The following SPAG9 variants were observed in gnomAD, a reference collection of about 807,000 sequenced individuals.
SPAG9 encodes the protein C-Jun-amino-terminal kinase-interacting protein 4.
Under a neutral mutation model 166.5 loss-of-function variants are expected in SPAG9, and 35 were observed. The ratio of observed to expected loss-of-function variants is 0.21; its 90% CI spans 0.16 to 0.28. The LOEUF (loss-of-function observed/expected upper bound fraction) is 0.28. Among genes scored for constraint, SPAG9 ranks in the 10% least tolerant of loss-of-function variants. SPAG9 has a pLI of 1.00. For missense variants in SPAG9, 1,235 were observed against 1,603.3 expected, an observed-to-expected ratio of 0.77 and a Z score of 3.92; for synonymous variants, 534 against 565.5, an observed-to-expected ratio of 0.94 and a Z score of 0.79.
chr17:51,107,922 A>G (rs1378879219), intron 1 of SPAG9, among the ~76,000 whole-genome samples: 2 of 151,840 alleles, frequency 1.3e-5, no homozygotes, highest in Non-Finnish European at 2.9e-5. Flanking sequence ...CTCAAAAAAA[A>G]AAAGGGAGGG....
At chr17:51,039,672 G>A (rs1367937530) in intron 5 of SPAG9, among the ~76,000 whole-genome samples, 1 of 152,080 alleles carries the variant, frequency 6.6e-6, no homozygotes, top group Admixed American at 6.6e-5. Context: ...TTTGTTAATC[G>A]GTTTATAAGT....
chr17:50,995,733 C>T, intron 16 of SPAG9, 200 bp from the exon 17 acceptor site: 2 of 532,790 alleles, frequency 3.8e-6, no homozygotes, highest in Non-Finnish European at 6.6e-6. Flanking sequence ...TTGATCATGG[C>T]TCACTGCAGC....
chr17:50,987,262 G>T (rs1384212069), intron 21 of SPAG9, 25 bp from the exon 22 acceptor site: 6 of 1,595,006 alleles, frequency 3.8e-6, no homozygotes, highest in Admixed American at 1.8e-5. Flanking sequence ...CAAAAGGAAA[G>T]AAATCTGAGT....
chr17:51,082,000 A>G (rs2144649760), intron 1 of SPAG9, among the ~76,000 whole-genome samples: 1 of 152,238 alleles, frequency 6.6e-6, no homozygotes, highest in East Asian at 1.9e-4. Context: ...ATATCCAAAC[A>G]GCTTGCTCTC....
rs114939146 is a variant in SPAG9, at chr17:50,966,047, G to T, written c.*225C>A. On this transcript the variant is annotated 3_prime_UTR_variant, in exon 30 of 30. Transcript: ENST00000262013. ...GCAGGAAGTAAACATTCTTTGATTTGTTCATAATATACTGAAGTTACCTAT... is the reference window on the plus strand; with the variant it reads ...GCAGGAAGTAAACATTCTTTGATTTTTTCATAATATACTGAAGTTACCTAT... The T allele has an allele frequency of 2.3e-3, 1,099 of 481,984 alleles. 6 individuals are homozygous for T. Among genetic ancestry groups the T allele is most frequent in the African/African-American group, 0.019 (970 of 51,496 alleles). The allele number at this position is 481,984 out of a possible 1,614,324, so 29.9% of individuals were successfully genotyped here. A position where few individuals can be genotyped will look rare whatever the true frequency, so the allele number is the denominator to read the frequency against.
At position 50,977,099 on chromosome 17, in the gene SPAG9, T is replaced by TA. The variant is rs1190803036; in HGVS notation, c.3523+8dup. 1 of 1,530,394 alleles carries TA rather than the reference T, an allele frequency of 6.5e-7. No homozygotes were observed. The highest frequency in any genetic ancestry group is 1.4e-5 in the African/African-American group (1 of 73,116). 94.8% of individuals were successfully genotyped at this position (1,530,394 alleles called of 1,614,324 possible). On this transcript the variant is annotated intron_variant, in intron 27 of 29. Coordinates refer to ENST00000262013, the MANE Select transcript of SPAG9 (RefSeq NM_001130528.3). ...TTGTTCCATGGCAGTTATCTAAAAATATACTTACTTTCTGTCAATGGGATG... is the reference window on the plus strand; with the variant it reads ...TTGTTCCATGGCAGTTATCTAAAAATAATACTTACTTTCTGTCAATGGGATG...
intron 24 of SPAG9, among the ~76,000 whole-genome samples, chr17:50,984,034 A>G (rs1040202869): frequency 6.6e-5 from 10 of 152,186 alleles, no homozygotes; most frequent in Non-Finnish European, 1.5e-4. Flanking sequence ...TCTATGTTTC[A>G]TAATACTTCC....
chr17:51,010,843 T>C (rs1414635915), intron 9 of SPAG9, among the ~76,000 whole-genome samples: 2 of 152,082 alleles, frequency 1.3e-5, no homozygotes, highest in East Asian at 1.9e-4. Context: ...TAGGAAATAA[T>C]AGTCTTGGGC....
chr17:50,979,213 G>GA lies in SPAG9; in HGVS notation c.3409+532dup, dbSNP rs747797287. On this transcript the variant is annotated intron_variant, in intron 26 of 29. Coordinates refer to ENST00000262013, the MANE Select transcript of SPAG9 (RefSeq NM_001130528.3). ...ACACAGTGAAACCTCATTTCTACAG[G>GA]AAAAAAAAAAAAAAGTAGCCAACAT... Among the ~76,000 whole-genome samples, 152 of 135,390 alleles carry GA rather than the reference G, an allele frequency of 1.1e-3. 1 individual carries two copies. Among genetic ancestry groups the GA allele is most frequent in the African/African-American group, 1.7e-3 (61 of 36,900 alleles). The allele number at this position is 135,390 out of a possible 152,430, so 88.8% of individuals were successfully genotyped here.
At chr17:51,094,795 G>A (rs1224737082) in intron 1 of SPAG9, among the ~76,000 whole-genome samples, 1 of 152,150 alleles carries the variant, frequency 6.6e-6, no homozygotes, top group Non-Finnish European at 1.5e-5. Flanking sequence ...GATTCCCCAA[G>A]TAATGATCCT....
At chr17:51,001,286 C>A (rs953656154) in intron 13 of SPAG9, among the ~76,000 whole-genome samples, 1 of 152,056 alleles carries the variant, frequency 6.6e-6, no homozygotes, top group African/African-American at 2.4e-5. Context: ...TGAAAGATAC[C>A]AATGGAAGGG....
chr17:51,068,444 G>A (rs1253777423), intron 2 of SPAG9, among the ~76,000 whole-genome samples: 1 of 152,190 alleles, frequency 6.6e-6, no homozygotes, highest in Non-Finnish European at 1.5e-5. Context: ...CCCAGCGGTA[G>A]AAACTTCTAG....
chr17:51,092,466 GA>G (rs1165022727), intron 1 of SPAG9, among the ~76,000 whole-genome samples: 2 of 152,080 alleles, frequency 1.3e-5, no homozygotes, highest in African/African-American at 4.8e-5. Context: ...GACAATTAGG[GA>G]AATATGAACA....
chr17:51,021,261 T>C lies in SPAG9; in HGVS notation c.888A>G (p.Glu296=), dbSNP rs1460548048. 1.2e-6 allele frequency: 2 copies of C among 1,614,162 alleles called. No individual in the cohort carries two copies. The highest frequency in any genetic ancestry group is 1.7e-6 in the Non-Finnish European group (2 of 1,180,006). The change falls in exon 7 of 30, where the codon GAA becomes GAG. Residue 296 remains glutamate, a synonymous_variant. Transcript: ENST00000262013. ...ATIPTDTPLK[E]ENEGFVKVTD... ...TAACCTTCACAAATCCTTCGTTTTC[T>C]TCCTTTAAGGGAGTATCAGTAGGAA...
At chr17:51,096,986 ATAAT>A (rs1269702685) in intron 1 of SPAG9, among the ~76,000 whole-genome samples, 2 of 152,252 alleles carry the variant, frequency 1.3e-5, no homozygotes, top group Admixed American at 1.3e-4. Flanking sequence ...GACCAAAAGC[ATAAT>A]TAGAGGGTTA....
chr17:51,022,806 C>T (rs936917375), intron 6 of SPAG9, among the ~76,000 whole-genome samples: 3 of 151,282 alleles, frequency 2.0e-5, no homozygotes, highest in South Asian at 2.1e-4. Context: ...AAAAATTAGC[C>T]GGGCATGGTG....
intron 1 of SPAG9, 31 bp from the exon 2 acceptor site, chr17:51,079,735 AG>A: frequency 7.1e-7 from 1 of 1,412,642 alleles, no homozygotes; most frequent in Middle Eastern, 2.2e-4. Flanking sequence ...AAATTTAATC[AG>A]AGAAATTAAA....
intron 2 of SPAG9, among the ~76,000 whole-genome samples, chr17:51,074,922 C>T (rs780022809): frequency 1.3e-5 from 2 of 152,022 alleles, no homozygotes; most frequent in Admixed American, 1.3e-4. Context: ...CTAGGCCAGG[C>T]ACAGTGGTTC....
chr17:51,056,728 G>T (rs1162843024), intron 2 of SPAG9, among the ~76,000 whole-genome samples: 1 of 148,528 alleles, frequency 6.7e-6, no homozygotes, highest in Admixed American at 6.8e-5. Context: ...CCCCTAAACA[G>T]TTTTTTTTTT....
Sources: allele counts gnomAD v4.1 joint callset (sites outside exome capture counted in the v4.1 genomes callset), GRCh38; gene constraint gnomAD v4.1.1; transcripts MANE v1.5; gene names NCBI Gene and HGNC (gene_info 2026-07-23, HGNC 2026-07-21).